The following CACHD1 variants were observed in gnomAD, a reference collection of about 807,000 sequenced individuals.
CACHD1 encodes the protein VWFA and cache domain-containing protein 1.
A neutral mutation model predicts 138.7 loss-of-function variants in CACHD1; 71 were observed. That is an observed-to-expected ratio of 0.51 (90% confidence interval 0.42 to 0.62). The LOEUF (loss-of-function observed/expected upper bound fraction) is 0.62, where lower values mean the gene tolerates loss of function less well. Among genes scored for constraint, CACHD1 ranks in the 20% least tolerant of loss-of-function variants. The pLI is 0.00. For missense variants in CACHD1, 1,389 were observed against 1,625.3 expected, an observed-to-expected ratio of 0.85 and a Z score of 2.50; for synonymous variants, 578 against 591.5, an observed-to-expected ratio of 0.98 and a Z score of 0.33.
rs372189254 is a variant in CACHD1, at chr1:64,604,060, C to A, written c.517+1148C>A. ...CAGGTCTCATGTAGACACATAAAGC[C>A]GAAGAGAAAGGCAGAGGACCAGAAT... On this transcript the variant is annotated intron_variant, in intron 4 of 26. Coordinates refer to ENST00000651257, the MANE Select transcript of CACHD1 (RefSeq NM_020925.4). 3.5e-4 allele frequency among the ~76,000 whole-genome samples: 53 copies of A among 152,206 alleles called. 1 individual carries two copies. Among genetic ancestry groups the A allele is most frequent in the African/African-American group, 1.2e-3 (51 of 41,518 alleles).
intron 1 of CACHD1, among the ~76,000 whole-genome samples, chr1:64,494,497 C>A (rs1417816803): frequency 2.0e-5 from 3 of 152,152 alleles, no homozygotes; most frequent in African/African-American, 4.8e-5. Flanking sequence ...AACAACATCC[C>A]AAAGCTTTGG....
Position 64,612,779 on chromosome 1 carries a change from T to C in CACHD1, c.517+9867T>C, listed in dbSNP as rs545864845. 7.9e-5 allele frequency among the ~76,000 whole-genome samples: 12 copies of C among 152,326 alleles called. No individual in the cohort carries two copies. In the South Asian group the frequency reaches 2.5e-3, roughly 32 times the overall value. On this transcript the variant is annotated intron_variant, in intron 4 of 26. Coordinates refer to ENST00000651257, the MANE Select transcript of CACHD1 (RefSeq NM_020925.4). Reference sequence around the variant, plus strand: ...CTCTGATGGAGATGTGCCAGGAGATTAATGTTGTTTTCATGCCTGCTAGTA... The same window carrying C: ...CTCTGATGGAGATGTGCCAGGAGATCAATGTTGTTTTCATGCCTGCTAGTA...
At chr1:64,675,367 G>C (rs749355116) in intron 19 of CACHD1, 34 bp from the exon 20 acceptor site, 2 of 1,525,244 alleles carry the variant, frequency 1.3e-6, no homozygotes, top group African/African-American at 1.3e-5. Flanking sequence ...TTGCATTGCT[G>C]TCTGTCATTT....
chr1:64,574,450 T>C (rs925171389), intron 2 of CACHD1, among the ~76,000 whole-genome samples: 1 of 152,176 alleles, frequency 6.6e-6, no homozygotes, highest in Non-Finnish European at 1.5e-5. Context: ...TAATTACCTA[T>C]CCTGTATGAC....
At chr1:64,540,936 AATTTGAGTTCTT>A (rs777521253) in intron 1 of CACHD1, among the ~76,000 whole-genome samples, 1 of 152,146 alleles carries the variant, frequency 6.6e-6, no homozygotes, top group Non-Finnish European at 1.5e-5. Flanking sequence ...AGGAATTCAT[AATTTGAGTTCTT>A]TGGCAAACTT....
At chr1:64,480,754 T>C (rs1244583632) in intron 1 of CACHD1, among the ~76,000 whole-genome samples, 3 of 152,152 alleles carry the variant, frequency 2.0e-5, no homozygotes, top group Admixed American at 6.5e-5. Context: ...TGTTTGTTTA[T>C]GTAAAAGCCA....
chr1:64,517,019 T>C lies in CACHD1; in HGVS notation c.199-33575T>C, dbSNP rs369453282. On this transcript the variant is annotated intron_variant, in intron 1 of 26. Coordinates refer to ENST00000651257, the MANE Select transcript of CACHD1 (RefSeq NM_020925.4). ...TTAAGCCTCAGTTTTGTCATGTAAA[T>C]TGGGGATGCTGTTAGTACCTATTTC... Among the ~76,000 whole-genome samples the C allele has an allele frequency of 2.3e-4, 35 of 152,262 alleles. No homozygotes were observed. The East Asian group carries it at 5.6e-3, about 24-fold the overall frequency.
chr1:64,655,521 G>A (rs925049086), intron 12 of CACHD1, among the ~76,000 whole-genome samples: 31 of 152,032 alleles, frequency 2.0e-4, no homozygotes, highest in African/African-American at 3.6e-4. Flanking sequence ...AGTACCTTCC[G>A]ACATTCTCTA....
intron 1 of CACHD1, among the ~76,000 whole-genome samples, chr1:64,480,799 G>A (rs1049392398): frequency 1.3e-5 from 2 of 151,096 alleles, no homozygotes; most frequent in African/African-American, 4.9e-5. Context: ...TTCAGGTAAA[G>A]TTCTATTTTG....
In CACHD1 at chr1:64,570,946, T is replaced by G. The variant is rs867551289; in HGVS notation, c.262-11210T>G. Among the ~76,000 whole-genome samples the G allele has an allele frequency of 3.9e-5, 6 of 152,190 alleles. No homozygotes were observed. In the South Asian group the frequency reaches 6.2e-4, roughly 16 times the overall value. ...GATATTAAAAAAAAACTTGTACCTC[T>G]GGATCAACACTTACAGCTATATGCC... is the stretch of plus-strand genomic sequence containing the variant. On this transcript the variant is annotated intron_variant, in intron 2 of 26. Transcript: ENST00000651257.
intron 2 of CACHD1, among the ~76,000 whole-genome samples, chr1:64,574,327 G>A (rs879310734): frequency 2.0e-5 from 3 of 152,142 alleles, no homozygotes; most frequent in African/African-American, 7.2e-5. Context: ...GCACAAATGA[G>A]ACACTTCAGG....
chr1:64,571,330 T>G (rs929415872), intron 2 of CACHD1, among the ~76,000 whole-genome samples: 3 of 152,342 alleles, frequency 2.0e-5, no homozygotes, highest in African/African-American at 7.2e-5. Flanking sequence ...GTCTTGCAAT[T>G]ATCTTTTTAA....
At chr1:64,525,521 TGTA>T (rs1646531512) in intron 1 of CACHD1, among the ~76,000 whole-genome samples, 1 of 152,206 alleles carries the variant, frequency 6.6e-6, no homozygotes, top group African/African-American at 2.4e-5. Flanking sequence ...CCTCCCACAC[TGTA>T]TTACTGATGA....
intron 1 of CACHD1, among the ~76,000 whole-genome samples, chr1:64,500,730 AAAAAAGAG>A (rs1646333457): frequency 2.3e-5 from 1 of 44,400 alleles, no homozygotes; most frequent in African/African-American, 6.9e-5. Flanking sequence ...AAAAAAAAAA[AAAAAAGAG>A]AGAGAGAGAG....
At chr1:64,555,973 A>G (rs907820000) in intron 2 of CACHD1, among the ~76,000 whole-genome samples, 5 of 152,182 alleles carry the variant, frequency 3.3e-5, no homozygotes, top group African/African-American at 9.7e-5. Context: ...TTGTGCCAGT[A>G]CCACATTATC....
intron 4 of CACHD1, among the ~76,000 whole-genome samples, chr1:64,611,917 C>CT (rs1647546521): frequency 6.6e-6 from 1 of 152,192 alleles, no homozygotes; most frequent in African/African-American, 2.4e-5. Flanking sequence ...AGAAAAGAGG[C>CT]TTAATTGACT....
intron 1 of CACHD1, among the ~76,000 whole-genome samples, chr1:64,534,496 A>C (rs1011690076): frequency 4.6e-5 from 7 of 152,248 alleles, no homozygotes; most frequent in African/African-American, 1.4e-4. Context: ...AACTCTGCAC[A>C]TCAGGCCTTA....
At chr1:64,497,129 G>C (rs1303737775) in intron 1 of CACHD1, among the ~76,000 whole-genome samples, 1 of 152,126 alleles carries the variant, frequency 6.6e-6, no homozygotes, top group Admixed American at 6.5e-5. Flanking sequence ...TAAAAAAAGA[G>C]TGAGAAAGAG....
At chr1:64,514,340 TA>T (rs2100356826) in intron 1 of CACHD1, among the ~76,000 whole-genome samples, 1 of 152,272 alleles carries the variant, frequency 6.6e-6, no homozygotes, top group African/African-American at 2.4e-5. Context: ...AGAAGGGAGT[TA>T]AAGAGGCCAA....
Sources: gnomAD v4.1 joint callset for allele counts (sites outside exome capture counted in the v4.1 genomes callset) on GRCh38, gnomAD v4.1.1 for gene constraint, MANE v1.5 for transcripts, NCBI Gene and HGNC (gene_info 2026-07-23, HGNC 2026-07-21) for gene names.